ALDOB: variants seen among roughly 807,000 people sequenced by gnomAD.
ALDOB encodes fructose-bisphosphate aldolase B.
A neutral mutation model predicts 41.0 loss-of-function variants in ALDOB; 39 were observed. The observed-to-expected ratio is 0.95, with a 90% CI of 0.74 to 1.24. The LOEUF is 1.24. Ranked by LOEUF, ALDOB falls within the 50% of genes most tolerant of loss-of-function variation. The probability of loss-of-function intolerance (pLI) is 0.00; values close to 1 mark genes in which losing one functional copy is unlikely to be tolerated. For missense variants in ALDOB, 530 were observed against 457.3 expected, an observed-to-expected ratio of 1.16 and a Z score of -1.45; for synonymous variants, 175 against 168.8, an observed-to-expected ratio of 1.04 and a Z score of -0.28.
At chr9:101,429,197 AG>A (rs1831177771) in intron 3 of ALDOB, among the ~76,000 whole-genome samples, 1 of 144,420 alleles carries the variant, frequency 6.9e-6, no homozygotes, top group Non-Finnish European at 1.5e-5. Context: ...AGGGTCATCC[AG>A]GCTGGAGTGC....
chr9:101,429,110 A>G (rs550915), intron 3 of ALDOB, among the ~76,000 whole-genome samples: 2 of 151,760 alleles, frequency 1.3e-5, no homozygotes, highest in Admixed American at 1.3e-4. Flanking sequence ...TAATTACGCA[A>G]TATAAACTTT....
rs201694645 is a variant in ALDOB at position 101,428,507 on chromosome 9, G to A, written c.341C>T (p.Ala114Val). ...TTCTTTGTTTGTTCCTGCAAGAGGA[G>A]CACCTCCTTGGTCTAACTGTGGATA... Reference protein sequence around the residue: ...VVGIKLDQGGAPLAGTNKETT... With the variant: ...VVGIKLDQGGVPLAGTNKETT... The change falls in exon 4 of 9, where the codon GCT becomes GTT. Residue 114 changes from alanine to valine, a missense_variant. Physicochemically the swap from Ala to Val is moderately conservative, Grantham distance 64. Coordinates refer to ENST00000647789, the MANE Select transcript of ALDOB (RefSeq NM_000035.4). The A allele has an allele frequency of 3.2e-5, 52 of 1,613,930 alleles. No individual in the cohort carries two copies. The African/African-American group carries it at 4.4e-4, about 14-fold the overall frequency.
chr9:101,426,406 G>A, intron 6 of ALDOB, 149 bp downstream of exon 6: 1 of 656,144 alleles, frequency 1.5e-6, no homozygotes, highest in East Asian at 2.8e-5. Context: ...CCAAAAAGGT[G>A]AAGGGCTGAT....
chr9:101,426,637 T>C lies in ALDOB; in HGVS notation c.542A>G (p.Asn181Ser), dbSNP rs758987820. ...LARYASICQQ[N>S]GLVPIVEPEV... ...TGGTTCAACAATAGGTACCAGTCCA[T>C]TCTAAAAAGGAAAATCAAGGAAGCA... is the stretch of plus-strand genomic sequence containing the variant. Residue 181 changes from asparagine (N) to serine (S), a missense_variant and splice_region_variant, in exon 6 of 9, where the codon AAT (asparagine) becomes AGT (serine). Transcript: ENST00000647789. The C allele has an allele frequency of 1.9e-6, 3 of 1,605,386 alleles. No homozygotes were observed. The highest frequency in any genetic ancestry group is 2.2e-5 in the South Asian group (2 of 90,936).
chr9:101,425,522 A>G lies in ALDOB; in HGVS notation c.730T>C (p.Tyr244His). 1 of 1,614,088 alleles carries G rather than the reference A, an allele frequency of 6.2e-7. No homozygotes were observed. Among genetic ancestry groups the G allele is most frequent in the Non-Finnish European group, 8.5e-7 (1 of 1,180,022 alleles). The stretch of plus-strand genomic sequence containing the variant: ...GCCATAGCTACTTGTTCTGGAGTAT[A>G]CTTCTTGGTGCAGGCATGTCCAGCA... Reference protein sequence around the residue: ...VTAGHACTKKYTPEQVAMATV... With the variant: ...VTAGHACTKKHTPEQVAMATV... The change falls in exon 7 of 9, where the codon TAT becomes CAT. Residue 244 changes from tyrosine to histidine, a missense_variant. By Grantham distance (83) the Tyr-to-His change is moderately conservative. Transcript: ENST00000647789.
chr9:101,430,888 G>A lies in ALDOB; in HGVS notation c.-1C>T, dbSNP rs560091436. On this transcript the variant is annotated 5_prime_UTR_variant, in exon 2 of 9. Coordinates refer to ENST00000647789, the MANE Select transcript of ALDOB (RefSeq NM_000035.4). ...TGAGGGCTGGAAATCGGTGGGCCATGGTGACAGGTCTGGAAAAGAGTGTGC... is the reference window on the plus strand; with the variant it reads ...TGAGGGCTGGAAATCGGTGGGCCATAGTGACAGGTCTGGAAAAGAGTGTGC... The A allele has an allele frequency of 6.6e-4, 1,059 of 1,611,586 alleles. 15 individuals are homozygous for A. In the South Asian group the frequency reaches 0.011, roughly 17 times the overall value.
At chr9:101,425,973 G>T (rs1036416028) in intron 6 of ALDOB, among the ~76,000 whole-genome samples, 1 of 152,042 alleles carries the variant, frequency 6.6e-6, no homozygotes, top group Non-Finnish European at 1.5e-5. Flanking sequence ...GCTATTTGGG[G>T]TCATCTAAAC....
Position 101,421,806 on chromosome 9 carries a change from AC to A in ALDOB, c.*2del. On this transcript the variant is annotated 3_prime_UTR_variant, in exon 9 of 9. Transcript: ENST00000647789. The stretch of plus-strand genomic sequence containing the variant: ...CTGGAGCTAGGCTGGCGGGCATTGG[AC>A]CCTAGTAGGTATAGCAGGCTGTGAA... The A allele has an allele frequency of 6.2e-7, 1 of 1,613,630 alleles. No homozygotes were observed. The highest frequency in any genetic ancestry group is 1.1e-5 in the South Asian group (1 of 91,020).
chr9:101,421,704 G>T lies in ALDOB; in HGVS notation c.*105C>A. The T allele has an allele frequency of 1.2e-6, 1 of 863,352 alleles. No homozygotes were observed. Among genetic ancestry groups the T allele is most frequent in the Non-Finnish European group, 2.0e-6 (1 of 511,020 alleles). 53.5% of individuals were successfully genotyped at this position (863,352 alleles called of 1,614,324 possible). ...AGATTTAACATGTGTTGTATTTCCA[G>T]CAGTTCAAATCTAATTGTGTCGAAT... is the stretch of plus-strand genomic sequence containing the variant. On this transcript the variant is annotated 3_prime_UTR_variant, in exon 9 of 9. Coordinates refer to ENST00000647789, the MANE Select transcript of ALDOB (RefSeq NM_000035.4).
chr9:101,430,641 C>T (rs147613155), intron 2 of ALDOB, 135 bp downstream of exon 2: 10 of 728,102 alleles, frequency 1.4e-5, no homozygotes, highest in African/African-American at 1.2e-4. Context: ...AAGCTCTACG[C>T]TTACTGAGTC....
intron 1 of ALDOB, among the ~76,000 whole-genome samples, chr9:101,434,705 C>T (rs911920187): frequency 3.9e-5 from 6 of 152,180 alleles, no homozygotes; most frequent in East Asian, 1.9e-4. Context: ...TTAACACACG[C>T]GGAGCAGCCC....
rs148781781 is a variant in ALDOB at position 101,421,385 on chromosome 9, A to G, written c.*424T>C. 784 of 299,638 alleles carry G rather than the reference A, an allele frequency of 2.6e-3. 5 individuals carry two copies. Among genetic ancestry groups the G allele is most frequent in the African/African-American group, 0.016 (741 of 45,946 alleles). The allele number at this position is 299,638 out of a possible 1,614,324, so 18.6% of individuals were successfully genotyped here. On this transcript the variant is annotated 3_prime_UTR_variant, in exon 9 of 9. Coordinates refer to ENST00000647789, the MANE Select transcript of ALDOB (RefSeq NM_000035.4). ...GAAACCCGATAGCAGCTGAAGGTTT[A>G]TAGAATATTTATTTCTTTTTTGGTT...
At chr9:101,430,063 G>C (rs374437904) in intron 2 of ALDOB, 97 bp from the exon 3 acceptor site, 27 of 1,101,586 alleles carry the variant, frequency 2.5e-5, no homozygotes, top group Non-Finnish European at 3.8e-5. Flanking sequence ...ACAGTGGAAA[G>C]CAAGACTTTC....
chr9:101,421,389 A>G lies in ALDOB; in HGVS notation c.*420T>C, dbSNP rs1831043890. Reference sequence around the variant, plus strand: ...CCCGATAGCAGCTGAAGGTTTATAGAATATTTATTTCTTTTTTGGTTGCAG... The same window carrying G: ...CCCGATAGCAGCTGAAGGTTTATAGGATATTTATTTCTTTTTTGGTTGCAG... On this transcript the variant is annotated 3_prime_UTR_variant, in exon 9 of 9. Transcript: ENST00000647789. The G allele has an allele frequency of 3.3e-6, 1 of 301,558 alleles. No individual in the cohort carries two copies. 18.7% of individuals were successfully genotyped at this position (301,558 alleles called of 1,614,324 possible). A position where few individuals can be genotyped will look rare whatever the true frequency, so the allele number is the denominator to read the frequency against.
chr9:101,435,424 T>C (rs982779126), intron 1 of ALDOB, among the ~76,000 whole-genome samples: 1 of 152,166 alleles, frequency 6.6e-6, no homozygotes, highest in African/African-American at 2.4e-5. Flanking sequence ...TTTTCCTAGA[T>C]CAGAGACTCA....
chr9:101,427,721 T>G lies in ALDOB; in HGVS notation c.380-79A>C, dbSNP rs1051587047. 8 of 1,547,494 alleles carry G rather than the reference T, an allele frequency of 5.2e-6. No homozygotes were observed. The African/African-American group carries it at 1.1e-4, about 21-fold the overall frequency. On this transcript the variant is annotated intron_variant, in intron 4 of 8. Transcript: ENST00000647789. Reference sequence around the variant, plus strand: ...GGGGCTTCTAATAAAGGGAAGGAGTTCTCCCTTTGCTTAGCTTTCAATCCA... The same window carrying G: ...GGGGCTTCTAATAAAGGGAAGGAGTGCTCCCTTTGCTTAGCTTTCAATCCA...
intron 1 of ALDOB, 85 bp from the exon 2 acceptor site, chr9:101,430,982 T>C: frequency 2.2e-6 from 2 of 918,218 alleles, no homozygotes; most frequent in Non-Finnish European, 3.6e-6. Flanking sequence ...GGTGCAGACA[T>C]GCTGTGCAGA....
intron 1 of ALDOB, among the ~76,000 whole-genome samples, chr9:101,435,420 T>G (rs1197636051): frequency 6.6e-6 from 1 of 152,196 alleles, no homozygotes; most frequent in Non-Finnish European, 1.5e-5. Flanking sequence ...TTGTTTTTCC[T>G]AGATCAGAGA....
chr9:101,422,224 C>A (rs534110770), intron 8 of ALDOB, among the ~76,000 whole-genome samples: 1 of 152,142 alleles, frequency 6.6e-6, no homozygotes, highest in South Asian at 2.1e-4. Context: ...TACACTATAC[C>A]AAAAGAAAAA....
Sources: allele counts gnomAD v4.1 joint callset (sites outside exome capture counted in the v4.1 genomes callset), GRCh38; gene constraint gnomAD v4.1.1; transcripts MANE v1.5; gene names NCBI Gene and HGNC (gene_info 2026-07-23, HGNC 2026-07-21).